MARCHF7: variants seen among roughly 807,000 people sequenced by gnomAD.
MARCHF7 encodes the protein membrane associated ring-CH-type finger 7.
MARCHF7 carries 20 observed loss-of-function variants against 76.5 expected under a neutral mutation model. The observed-to-expected ratio is 0.26, with a 90% CI of 0.18 to 0.38. MARCHF7 has a LOEUF of 0.38. MARCHF7 is among the 10% of genes least tolerant of loss of function. The pLI is 1.00. For missense variants in MARCHF7, 797 were observed against 812.9 expected, an observed-to-expected ratio of 0.98 and a Z score of 0.24; for synonymous variants, 295 against 293.0, an observed-to-expected ratio of 1.01 and a Z score of -0.07.
intron 1 of MARCHF7, among the ~76,000 whole-genome samples, chr2:159,713,732 G>T (rs950547131): frequency 3.3e-5 from 5 of 152,158 alleles, no homozygotes; most frequent in African/African-American, 1.2e-4. Flanking sequence ...CAGCATTTTG[G>T]GAGACAGGAC....
intron 8 of MARCHF7, among the ~76,000 whole-genome samples, chr2:159,758,247 A>T (rs3863924): frequency 0.34 from 52,458 of 152,120 alleles, 9,255 homozygotes; most frequent in South Asian, 0.44. Flanking sequence ...CAAGACTACT[A>T]CCTACCAAAT....
chr2:159,712,896 T>A (rs1700385716), intron 1 of MARCHF7, among the ~76,000 whole-genome samples: 1 of 151,994 alleles, frequency 6.6e-6, no homozygotes, highest in African/African-American at 2.4e-5. Flanking sequence ...GGGGACAGAT[T>A]GTGTGTCTTC....
At chr2:159,721,408 T>A (rs563797583) in intron 3 of MARCHF7, among the ~76,000 whole-genome samples, 57 of 152,236 alleles carry the variant, frequency 3.7e-4, no homozygotes, top group African/African-American at 1.3e-3. Flanking sequence ...TGAATACAGG[T>A]TTTTTACTCT....
At chr2:159,726,969 A>G (rs1413154693) in intron 3 of MARCHF7, among the ~76,000 whole-genome samples, 2 of 152,252 alleles carry the variant, frequency 1.3e-5, no homozygotes, top group African/African-American at 4.8e-5. Flanking sequence ...ACAATAGGTT[A>G]TACTATATAA....
intron 7 of MARCHF7, among the ~76,000 whole-genome samples, chr2:159,750,109 C>T (rs1705444043): frequency 6.6e-6 from 1 of 152,196 alleles, no homozygotes; most frequent in African/African-American, 2.4e-5. Flanking sequence ...TCTCGCTTTG[C>T]TTCCCATGCT....
In MARCHF7 at chr2:159,748,488, A is replaced by G; in HGVS notation, c.1198A>G (p.Arg400Gly). The change falls in exon 7 of 12, where the codon AGA becomes GGA. Residue 400 changes from arginine (R) to glycine (G), a missense_variant. By Grantham distance (125) the Arg-to-Gly change is moderately radical. Around this residue, in one of 3 missense-constraint regions of MARCHF7, gnomAD observed 643 missense variants for 631.5 expected, o/e 1.02. Coordinates refer to ENST00000409175, the MANE Select transcript of MARCHF7 (RefSeq NM_001282805.2). Reference sequence around the variant, plus strand: ...AAATAGATGCACACCTTTGTTCTCTAGAAGGAGGCGAGAGGGAAGAGATGA... The same window carrying G: ...AAATAGATGCACACCTTTGTTCTCTGGAAGGAGGCGAGAGGGAAGAGATGA... ...LRNRCTPLFS[R>G]RRREGRDESS... 6.2e-7 allele frequency: 1 copy of G among 1,614,092 alleles called. No individual in the cohort carries two copies. Among genetic ancestry groups the G allele is most frequent in the Non-Finnish European group, 8.5e-7 (1 of 1,179,960 alleles).
At chr2:159,742,480 G>GA (rs926608833) in intron 4 of MARCHF7, among the ~76,000 whole-genome samples, 8 of 151,062 alleles carry the variant, frequency 5.3e-5, no homozygotes, top group Non-Finnish European at 8.9e-5. Context: ...TTTTCAAAAA[G>GA]AAAAAAACAA....
chr2:159,733,981 C>A, intron 4 of MARCHF7: 1 of 1,311,550 alleles, frequency 7.6e-7, no homozygotes. Context: ...AGCTGCGCTT[C>A]ACCTGCTACT....
At chr2:159,757,753 T>C (rs941764324) in intron 8 of MARCHF7, among the ~76,000 whole-genome samples, 3 of 152,182 alleles carry the variant, frequency 2.0e-5, no homozygotes, top group Admixed American at 2.0e-4. Flanking sequence ...CCCTAAGATA[T>C]AAGAGAATCT....
chr2:159,722,180 A>T (rs1262489839), intron 3 of MARCHF7, among the ~76,000 whole-genome samples: 1 of 151,928 alleles, frequency 6.6e-6, no homozygotes, highest in African/African-American at 2.4e-5. Context: ...TCTGTTGCCC[A>T]GGCTGGTGTG....
chr2:159,721,411 T>C (rs1701627414), intron 3 of MARCHF7, among the ~76,000 whole-genome samples: 1 of 152,200 alleles, frequency 6.6e-6, no homozygotes, highest in Non-Finnish European at 1.5e-5. Flanking sequence ...ATACAGGTTT[T>C]TTACTCTTGT....
chr2:159,731,964 C>T (rs910301585), intron 4 of MARCHF7, among the ~76,000 whole-genome samples: 1 of 151,532 alleles, frequency 6.6e-6, no homozygotes, highest in Admixed American at 6.6e-5. Context: ...ATTAGCCGGG[C>T]GTGGTGGCGG....
chr2:159,756,963 G>A (rs986904751), intron 8 of MARCHF7, among the ~76,000 whole-genome samples: 1 of 152,268 alleles, frequency 6.6e-6, no homozygotes, highest in Admixed American at 6.5e-5. Flanking sequence ...CACAATCTCA[G>A]CTTACTGCAA....
chr2:159,744,586 G>A (rs1374720618), intron 5 of MARCHF7, among the ~76,000 whole-genome samples: 1 of 152,234 alleles, frequency 6.6e-6, no homozygotes, highest in African/African-American at 2.4e-5. Flanking sequence ...TTCTTTAAAT[G>A]TTTGTGTATT....
At chr2:159,730,954 A>G (rs1213645617) in intron 4 of MARCHF7, among the ~76,000 whole-genome samples, 1 of 152,100 alleles carries the variant, frequency 6.6e-6, no homozygotes, top group Admixed American at 6.6e-5. Flanking sequence ...GAGTGGTGCA[A>G]TCACGGCTCA....
At chr2:159,731,245 G>T (rs1702753855) in intron 4 of MARCHF7, among the ~76,000 whole-genome samples, 1 of 152,036 alleles carries the variant, frequency 6.6e-6, no homozygotes, top group Admixed American at 6.6e-5. Flanking sequence ...ACATGACAAT[G>T]CTTTATGTTA....
intron 7 of MARCHF7, among the ~76,000 whole-genome samples, chr2:159,750,568 A>G (rs1358422863): frequency 1.3e-5 from 2 of 152,292 alleles, no homozygotes; most frequent in East Asian, 3.9e-4. Context: ...AATGCAGGGC[A>G]TAGAATCTTT....
intron 4 of MARCHF7, among the ~76,000 whole-genome samples, chr2:159,731,335 AATT>A (rs561865148): frequency 5.3e-4 from 80 of 152,336 alleles, no homozygotes; most frequent in African/African-American, 1.6e-3. Context: ...TTGTTATAAT[AATT>A]ATTATAATAG....
chr2:159,728,030 G>C (rs532427535), intron 3 of MARCHF7, among the ~76,000 whole-genome samples: 37 of 152,254 alleles, frequency 2.4e-4, no homozygotes, highest in Middle Eastern at 3.4e-3. Flanking sequence ...TGTATGTGTA[G>C]TTTTATAGAT....
Sources: allele counts gnomAD v4.1 joint callset (sites outside exome capture counted in the v4.1 genomes callset), GRCh38; gene constraint gnomAD v4.1.1; regional missense constraint gnomAD v4.1.1; transcripts MANE v1.5; gene names NCBI Gene and HGNC (gene_info 2026-07-23, HGNC 2026-07-21).